SLC10A7: variants seen among roughly 807,000 people sequenced by gnomAD.
SLC10A7 encodes sodium/bile acid cotransporter 7.
In SLC10A7, 29 loss-of-function variants were observed where a neutral mutation model predicts 43.2. That is an observed-to-expected ratio of 0.67 (90% CI 0.50 to 0.92). SLC10A7 has a LOEUF of 0.92. Ranked by LOEUF, SLC10A7 falls within the 40% of genes least tolerant of loss-of-function variation. The probability of loss-of-function intolerance (pLI) is 0.00; values close to 1 mark genes in which losing one functional copy is unlikely to be tolerated. For synonymous variants in SLC10A7, 152 were observed against 144.8 expected, an observed-to-expected ratio of 1.05 and a Z score of -0.35; for missense variants, 295 against 403.2, an observed-to-expected ratio of 0.73 and a Z score of 2.30.
In SLC10A7 at chr4:146,486,886, T is replaced by C. The variant is rs74762662; in HGVS notation, c.396+16963A>G. Among the ~76,000 whole-genome samples, 52 of 152,284 alleles carry C rather than the reference T, an allele frequency of 3.4e-4. 1 individual carries two copies. In the East Asian group the frequency reaches 0.01, roughly 29 times the overall value. On this transcript the variant is annotated intron_variant, in intron 4 of 11. Coordinates refer to ENST00000335472, the MANE Select transcript of SLC10A7 (RefSeq NM_001029998.6). ...CACCTGGCCCACCCATATCACCCAGTATTTGGTTATTCCATTTAGATTCAT... is the reference window on the plus strand; with the variant it reads ...CACCTGGCCCACCCATATCACCCAGCATTTGGTTATTCCATTTAGATTCAT...
intron 10 of SLC10A7, among the ~76,000 whole-genome samples, chr4:146,275,330 G>C (rs1729138516): frequency 6.6e-6 from 1 of 152,068 alleles, no homozygotes; most frequent in African/African-American, 2.4e-5. Flanking sequence ...CTGAATAGTA[G>C]AGCTAGAAGA....
intron 5 of SLC10A7, among the ~76,000 whole-genome samples, chr4:146,340,156 G>T (rs1190111601): frequency 6.6e-6 from 1 of 151,702 alleles, no homozygotes; most frequent in Non-Finnish European, 1.5e-5. Flanking sequence ...ACATATATGT[G>T]TGATTGGGGT....
chr4:146,290,860 T>C (rs779858757), intron 9 of SLC10A7, among the ~76,000 whole-genome samples: 6 of 152,064 alleles, frequency 3.9e-5, no homozygotes, highest in Non-Finnish European at 8.8e-5. Flanking sequence ...CCCCTGTCTC[T>C]AAACCAAACC....
chr4:146,360,966 T>C (rs1335978489), intron 5 of SLC10A7, among the ~76,000 whole-genome samples: 3 of 152,136 alleles, frequency 2.0e-5, no homozygotes, highest in Admixed American at 2.0e-4. Context: ...CCTCTGTGCA[T>C]GCTGTTCCCT....
intron 5 of SLC10A7, among the ~76,000 whole-genome samples, chr4:146,338,306 C>A (rs1734027775): frequency 6.6e-6 from 1 of 151,942 alleles, no homozygotes; most frequent in African/African-American, 2.4e-5. Context: ...CTGTTCTATG[C>A]TCTTTATATT....
chr4:146,361,614 T>G (rs747228847), intron 5 of SLC10A7, among the ~76,000 whole-genome samples: 9 of 152,232 alleles, frequency 5.9e-5, no homozygotes, highest in Non-Finnish European at 1.3e-4. Context: ...TCAAGAAGGA[T>G]GAGTACAAAC....
chr4:146,429,901 G>T (rs778343227), intron 5 of SLC10A7, among the ~76,000 whole-genome samples: 46 of 151,898 alleles, frequency 3.0e-4, no homozygotes, highest in Non-Finnish European at 5.1e-4. Flanking sequence ...GGAAAAAATG[G>T]ACAAACGTGA....
intron 5 of SLC10A7, among the ~76,000 whole-genome samples, chr4:146,386,155 A>G (rs1026048347): frequency 1.6e-4 from 24 of 152,202 alleles, no homozygotes; most frequent in Admixed American, 1.1e-3. Flanking sequence ...AGAACTCTCC[A>G]AACTGCTTTC....
intron 5 of SLC10A7, among the ~76,000 whole-genome samples, chr4:146,435,677 A>G (rs1222393416): frequency 6.6e-6 from 1 of 152,148 alleles, no homozygotes; most frequent in Admixed American, 6.5e-5. Flanking sequence ...AATAAGAACT[A>G]TTTGCCACAT....
intron 5 of SLC10A7, among the ~76,000 whole-genome samples, chr4:146,367,055 A>G (rs767718738): frequency 6.6e-6 from 1 of 151,574 alleles, no homozygotes; most frequent in Non-Finnish European, 1.5e-5. Flanking sequence ...TGGCTCATCT[A>G]CAAGGCATTT....
intron 5 of SLC10A7, among the ~76,000 whole-genome samples, chr4:146,387,188 A>T (rs1405188032): frequency 2.0e-5 from 3 of 152,134 alleles, no homozygotes; most frequent in African/African-American, 7.2e-5. Context: ...CCAGAGAATA[A>T]CCCTGATTAA....
intron 5 of SLC10A7, among the ~76,000 whole-genome samples, chr4:146,366,954 A>G (rs1440134607): frequency 1.3e-5 from 2 of 151,776 alleles, no homozygotes; most frequent in African/African-American, 4.8e-5. Flanking sequence ...TTCTATTCCA[A>G]TTCAGATTTT....
At chr4:146,417,187 A>G (rs1378061402) in intron 5 of SLC10A7, among the ~76,000 whole-genome samples, 1 of 152,254 alleles carries the variant, frequency 6.6e-6, no homozygotes, top group Non-Finnish European at 1.5e-5. Context: ...TATTTGTTGA[A>G]TAAACGAACT....
chr4:146,293,517 C>T (rs970135676), intron 8 of SLC10A7, among the ~76,000 whole-genome samples: 3 of 151,910 alleles, frequency 2.0e-5, no homozygotes, highest in Non-Finnish European at 4.4e-5. Flanking sequence ...ATATTTTAAC[C>T]AACGCAGCCA....
rs538240127 is a variant in SLC10A7, at chr4:146,330,033, C to T, written c.436-4037G>A. Among the ~76,000 whole-genome samples the T allele has an allele frequency of 7.0e-4, 107 of 152,268 alleles. 2 individuals carry two copies. The highest frequency in any genetic ancestry group is 2.6e-3 in the African/African-American group (106 of 41,552). ...CTTGCAATTGGGATGGTGTATAAAG[C>T]TTTCTGATTGCAACACCTGAAGAAG... On this transcript the variant is annotated intron_variant, in intron 5 of 11. Transcript: ENST00000335472.
chr4:146,494,374 TTACGTAAA>T (rs547777137), intron 4 of SLC10A7, among the ~76,000 whole-genome samples: 106 of 152,092 alleles, frequency 7.0e-4, no homozygotes, highest in African/African-American at 2.4e-3. Context: ...TAAGCTGGAG[TTACGTAAA>T]TACTTCTCGC....
intron 1 of SLC10A7, among the ~76,000 whole-genome samples, chr4:146,519,102 TA>T (rs1738332232): frequency 3.3e-5 from 1 of 30,066 alleles, no homozygotes; most frequent in African/African-American, 1.7e-4. Flanking sequence ...TATATATATA[TA>T]TATATATATA....
chr4:146,399,881 C>T (rs933005133), intron 5 of SLC10A7, among the ~76,000 whole-genome samples: 14 of 151,660 alleles, frequency 9.2e-5, no homozygotes, highest in African/African-American at 3.4e-4. Flanking sequence ...ATGAGTCCAG[C>T]ATTTAAGAAA....
intron 11 of SLC10A7, 161 bp from the exon 12 acceptor site, chr4:146,256,681 C>T: frequency 2.0e-6 from 2 of 983,566 alleles, no homozygotes; most frequent in South Asian, 1.6e-5. Flanking sequence ...AACAGATTTC[C>T]CTGCCCACCT....
Sources: gnomAD v4.1 joint callset for allele counts (sites outside exome capture counted in the v4.1 genomes callset) on GRCh38, gnomAD v4.1.1 for gene constraint, MANE v1.5 for transcripts, NCBI Gene and HGNC (gene_info 2026-07-23, HGNC 2026-07-21) for gene names.